Variants in ANKRD6 observed in about 807,000 individuals in gnomAD.
ANKRD6 encodes ankyrin repeat domain-containing protein 6.
A neutral mutation model predicts 82.3 loss-of-function variants in ANKRD6; 56 were observed. The observed-to-expected ratio is 0.68, with a 90% CI of 0.55 to 0.85. The LOEUF (loss-of-function observed/expected upper bound fraction) is 0.85. ANKRD6 is among the 40% of genes least tolerant of loss of function. The probability of loss-of-function intolerance (pLI) is 0.00; values close to 1 mark genes in which losing one functional copy is unlikely to be tolerated. For missense variants in ANKRD6, 852 were observed against 907.6 expected (o/e 0.94, Z 0.79); for synonymous variants, 347 against 352.1 (o/e 0.99, Z 0.16).
intron 1 of ANKRD6, among the ~76,000 whole-genome samples, chr6:89,532,764 C>T (rs1168702016): frequency 1.3e-5 from 2 of 152,014 alleles, no homozygotes; most frequent in Admixed American, 1.3e-4. Flanking sequence ...TGCAATGGCA[C>T]GATCTTGGCT....
chr6:89,454,758 A>T (rs1337284107), intron 1 of ANKRD6, among the ~76,000 whole-genome samples: 1 of 151,956 alleles, frequency 6.6e-6, no homozygotes, highest in Non-Finnish European at 1.5e-5. Context: ...ATTTCCCTGT[A>T]TTTTTTTTAT....
At chr6:89,558,538 A>G (rs1203861489) in intron 1 of ANKRD6, among the ~76,000 whole-genome samples, 2 of 152,184 alleles carry the variant, frequency 1.3e-5, no homozygotes, top group Non-Finnish European at 2.9e-5. Context: ...TGGAGAGAGT[A>G]AAAAGATCAG....
rs755682166 is a variant in ANKRD6, at chr6:89,617,871, C to G, written c.715-83C>G. On this transcript the variant is annotated intron_variant, in intron 8 of 15. Coordinates refer to ENST00000339746, the MANE Select transcript of ANKRD6 (RefSeq NM_001242809.2). ...GTGACTGGGTGTGGAACTGCCTGCT[C>G]CTGGCCAGAGCTGTGCCAGCTGGGC... 44 of 1,375,228 alleles carry G rather than the reference C, an allele frequency of 3.2e-5. 1 individual carries two copies. Among genetic ancestry groups the G allele is most frequent in the Admixed American group, 1.0e-4 (6 of 58,768 alleles). The allele number at this position is 1,375,228 out of a possible 1,614,324, so 85.2% of individuals were successfully genotyped here.
intron 1 of ANKRD6, among the ~76,000 whole-genome samples, chr6:89,497,875 C>G (rs1442897941): frequency 1.3e-5 from 2 of 152,090 alleles, no homozygotes; most frequent in African/African-American, 4.8e-5. Flanking sequence ...GTGATCAGTC[C>G]CCACTACCAC....
intron 1 of ANKRD6, among the ~76,000 whole-genome samples, chr6:89,477,688 A>G (rs936918790): frequency 5.3e-5 from 8 of 150,044 alleles, no homozygotes; most frequent in African/African-American, 1.5e-4. Context: ...GGAGAATGGC[A>G]TGAACCCGGG....
intron 9 of ANKRD6, chr6:89,621,391 A>T (rs1489470318): frequency 6.3e-6 from 1 of 158,480 alleles, no homozygotes; most frequent in Non-Finnish European, 1.4e-5. Context: ...GGAAGAGATA[A>T]CTGTCCCGTG....
At chr6:89,479,544 A>G (rs1310548222) in intron 1 of ANKRD6, among the ~76,000 whole-genome samples, 2 of 151,184 alleles carry the variant, frequency 1.3e-5, no homozygotes, top group East Asian at 3.9e-4. Flanking sequence ...TGTAGCATAC[A>G]TTTTTTGCAT....
At chr6:89,538,483 C>T (rs1784109553) in intron 1 of ANKRD6, among the ~76,000 whole-genome samples, 2 of 152,152 alleles carry the variant, frequency 1.3e-5, no homozygotes, top group Non-Finnish European at 2.9e-5. Context: ...GGAAAGCATT[C>T]TAGAGTACAG....
At chr6:89,616,460 G>A (rs1373819556) in intron 7 of ANKRD6, 99 bp from the exon 8 acceptor site, 2 of 1,108,724 alleles carry the variant, frequency 1.8e-6, no homozygotes, top group African/African-American at 1.6e-5. Flanking sequence ...GCAAATCTCA[G>A]TTTGACTTTG....
chr6:89,461,428 C>T (rs988157504), intron 1 of ANKRD6, among the ~76,000 whole-genome samples: 2 of 152,048 alleles, frequency 1.3e-5, no homozygotes, highest in African/African-American at 2.4e-5. Flanking sequence ...CAGTATTATG[C>T]GCTGTTTGTA....
intron 2 of ANKRD6, among the ~76,000 whole-genome samples, chr6:89,594,566 C>A (rs966886245): frequency 6.6e-6 from 1 of 151,920 alleles, no homozygotes; most frequent in Non-Finnish European, 1.5e-5. Context: ...GTGATGAATA[C>A]CAAATTTGAG....
intron 1 of ANKRD6, among the ~76,000 whole-genome samples, chr6:89,465,386 G>A (rs1774727514): frequency 6.6e-6 from 1 of 151,884 alleles, no homozygotes. Flanking sequence ...CTCCCAAAGT[G>A]CAGGGATTAC....
At chr6:89,519,621 T>C (rs1781653247) in intron 1 of ANKRD6, among the ~76,000 whole-genome samples, 1 of 152,210 alleles carries the variant, frequency 6.6e-6, no homozygotes, top group African/African-American at 2.4e-5. Context: ...AGTTGGCTAT[T>C]TGAATCAGGA....
At chr6:89,561,113 T>G (rs1438653349) in intron 1 of ANKRD6, 1 of 152,204 alleles carries the variant, frequency 6.6e-6, no homozygotes, top group Non-Finnish European at 1.5e-5. Context: ...TATGTGCTTA[T>G]TCCTCCTATG....
intron 1 of ANKRD6, among the ~76,000 whole-genome samples, chr6:89,452,632 G>T (rs940128804): frequency 6.6e-6 from 1 of 152,102 alleles, no homozygotes; most frequent in African/African-American, 2.4e-5. Context: ...AAATTTTTTT[G>T]AAGCCAGTGA....
At chr6:89,519,294 T>C (rs1486859137) in intron 1 of ANKRD6, among the ~76,000 whole-genome samples, 1 of 152,200 alleles carries the variant, frequency 6.6e-6, no homozygotes, top group Non-Finnish European at 1.5e-5. Flanking sequence ...CCAAAGTTGA[T>C]TCAGGATGGT....
chr6:89,594,618 G>T (rs1359488369), intron 2 of ANKRD6, among the ~76,000 whole-genome samples: 1 of 152,186 alleles, frequency 6.6e-6, no homozygotes, highest in Non-Finnish European at 1.5e-5. Context: ...TGAGACCTGG[G>T]AGTTGTTCAC....
intron 7 of ANKRD6, among the ~76,000 whole-genome samples, chr6:89,614,112 TCAC>T (rs1412731326): frequency 2.6e-5 from 4 of 152,210 alleles, no homozygotes; most frequent in Non-Finnish European, 4.4e-5. Context: ...CCTGTGCATA[TCAC>T]CACATTTGCA....
chr6:89,512,728 C>T (rs1275237377), intron 1 of ANKRD6, among the ~76,000 whole-genome samples: 2 of 152,202 alleles, frequency 1.3e-5, no homozygotes, highest in African/African-American at 4.8e-5. Context: ...AATGGCTGTG[C>T]AGCATGTTGC....
Sources: gnomAD v4.1 joint callset for allele counts (sites outside exome capture counted in the v4.1 genomes callset) on GRCh38, gnomAD v4.1.1 for gene constraint, MANE v1.5 for transcripts, NCBI Gene and HGNC (gene_info 2026-07-23, HGNC 2026-07-21) for gene names.